RFX6: variants seen among roughly 807,000 people sequenced by gnomAD.
The protein encoded by RFX6 is DNA-binding protein RFX6.
In RFX6, 50 loss-of-function variants were observed where a neutral mutation model predicts 110.8. That is an observed-to-expected ratio of 0.45 (90% CI 0.36 to 0.57). RFX6 has a LOEUF of 0.57. Ranked by LOEUF, RFX6 falls within the 20% of genes least tolerant of loss-of-function variation. RFX6 has a pLI of 0.00. For missense variants in RFX6, 990 were observed against 1,127.0 expected, an observed-to-expected ratio of 0.88 and a Z score of 1.74; for synonymous variants, 383 against 411.2, an observed-to-expected ratio of 0.93 and a Z score of 0.83.
intron 4 of RFX6, among the ~76,000 whole-genome samples, chr6:116,890,881 G>A (rs1018467853): frequency 3.3e-5 from 5 of 151,772 alleles, no homozygotes; most frequent in Non-Finnish European, 7.4e-5. Context: ...TAATGACTGG[G>A]GACAGGAATA....
Position 116,924,662 on chromosome 6 carries a change from A to T in RFX6, c.1556-7A>T. Reference sequence around the variant, plus strand: ...TGTCCTCTCCTCATTCTCCATCCATAAACAAGGTTCTTTTCATTTGATTCG... The same window carrying T: ...TGTCCTCTCCTCATTCTCCATCCATTAACAAGGTTCTTTTCATTTGATTCG... On this transcript the variant is annotated splice_region_variant and splice_polypyrimidine_tract_variant and intron_variant, in intron 14 of 18. Coordinates refer to ENST00000332958, the MANE Select transcript of RFX6 (RefSeq NM_173560.4). 1 of 1,609,664 alleles carries T rather than the reference A, an allele frequency of 6.2e-7. No homozygotes were observed. Among genetic ancestry groups the T allele is most frequent in the African/African-American group, 1.3e-5 (1 of 74,912 alleles).
chr6:116,902,895 C>T (rs1349946639), intron 6 of RFX6, among the ~76,000 whole-genome samples: 1 of 152,020 alleles, frequency 6.6e-6, no homozygotes, highest in Non-Finnish European at 1.5e-5. Context: ...TTTAATCTTT[C>T]CTCATAAATC....
At chr6:116,908,357 TA>T (rs1418105868) in intron 6 of RFX6, among the ~76,000 whole-genome samples, 1 of 152,062 alleles carries the variant, frequency 6.6e-6, no homozygotes, top group Non-Finnish European at 1.5e-5. Context: ...GCAACTTTGC[TA>T]AAAAAAACTT....
intron 6 of RFX6, among the ~76,000 whole-genome samples, chr6:116,907,879 A>G (rs1026588105): frequency 5.3e-5 from 8 of 151,526 alleles, no homozygotes; most frequent in Non-Finnish European, 8.9e-5. Context: ...AATTTTGTCA[A>G]TTTTTCTTCA....
intron 2 of RFX6, among the ~76,000 whole-genome samples, chr6:116,879,812 A>C (rs1350653831): frequency 6.6e-6 from 1 of 151,974 alleles, no homozygotes; most frequent in African/African-American, 2.4e-5. Context: ...CATTTATATA[A>C]GTTATGCTTA....
intron 6 of RFX6, among the ~76,000 whole-genome samples, chr6:116,906,494 T>C (rs1486502414): frequency 6.6e-6 from 1 of 152,066 alleles, no homozygotes; most frequent in Non-Finnish European, 1.5e-5. Flanking sequence ...TCCATGAACA[T>C]AGAATGTCTT....
chr6:116,926,899 T>A (rs1775750268), intron 16 of RFX6, 128 bp from the exon 17 acceptor site: 6 of 849,502 alleles, frequency 7.1e-6, no homozygotes, highest in Middle Eastern at 2.4e-4. Flanking sequence ...AGTTTAGTTA[T>A]TTTTGGAGGG....
intron 2 of RFX6, among the ~76,000 whole-genome samples, chr6:116,878,682 T>A (rs1405863978): frequency 6.6e-6 from 1 of 151,858 alleles, no homozygotes; most frequent in African/African-American, 2.4e-5. Flanking sequence ...AATAGGAGCA[T>A]AAATTTCCTC....
chr6:116,890,555 C>T (rs950160761), intron 4 of RFX6, among the ~76,000 whole-genome samples: 1 of 152,140 alleles, frequency 6.6e-6, no homozygotes, highest in African/African-American at 2.4e-5. Flanking sequence ...CACTGGTTCT[C>T]TATCTCCTGG....
intron 4 of RFX6, among the ~76,000 whole-genome samples, chr6:116,886,583 T>C (rs1774703813): frequency 6.6e-6 from 1 of 152,182 alleles, no homozygotes. Flanking sequence ...TCAAGTTCTA[T>C]TTTCCTAAGT....
intron 12 of RFX6, among the ~76,000 whole-genome samples, chr6:116,921,841 A>C (rs1445648146): frequency 6.6e-6 from 1 of 151,838 alleles, no homozygotes. Context: ...TCACACACAC[A>C]CCATTGAAGA....
At chr6:116,903,901 C>T (rs985199842) in intron 6 of RFX6, among the ~76,000 whole-genome samples, 1 of 151,814 alleles carries the variant, frequency 6.6e-6, no homozygotes, top group Non-Finnish European at 1.5e-5. Flanking sequence ...AAACAATTCT[C>T]CAGGTAGACA....
At chr6:116,905,265 G>A (rs1477340446) in intron 6 of RFX6, among the ~76,000 whole-genome samples, 1 of 152,038 alleles carries the variant, frequency 6.6e-6, no homozygotes, top group Non-Finnish European at 1.5e-5. Flanking sequence ...ATCTCATTTA[G>A]GGTTTGATTT....
chr6:116,877,418 C>T lies in RFX6; in HGVS notation c.143C>T (p.Ala48Val), dbSNP rs200522460. Residue 48 changes from alanine to valine, a missense_variant, in exon 1 of 19, where the codon GCG becomes GTG. Ala to Val is a moderately conservative substitution (Grantham distance 64, BLOSUM62 0). Around this residue, in one of 5 missense-constraint regions of RFX6, gnomAD observed 175 missense variants for 162.3 expected, o/e 1.08. Transcript: ENST00000332958. ...TATCCGGAAGAAACAGTGTACCTGG[C>T]GGCCGAAGGGCAGCCCGGGGGCGAG... ...LVYPEETVYLAAEGQPGGEQG... is the reference protein window; with the variant it reads ...LVYPEETVYLVAEGQPGGEQG... The T allele has an allele frequency of 5.1e-5, 82 of 1,600,824 alleles. No homozygotes were observed. The African/African-American group carries it at 1.0e-3, about 20-fold the overall frequency.
intron 6 of RFX6, 81 bp downstream of exon 6, chr6:116,895,288 T>C: frequency 1.3e-6 from 1 of 783,596 alleles, no homozygotes; most frequent in Non-Finnish European, 2.2e-6. Flanking sequence ...TTATTCCCTT[T>C]GGCAAATGTA....
rs775988031 is a variant in RFX6, at chr6:116,895,227, C to G, written c.672+20C>G. ...AATGAGGTAAGAATTATTTTCATCT[C>G]TATTTTACATCTGCTATAATATGTC... is the stretch of plus-strand genomic sequence containing the variant. On this transcript the variant is annotated intron_variant, in intron 6 of 18. Coordinates refer to ENST00000332958, the MANE Select transcript of RFX6 (RefSeq NM_173560.4). 3.7e-6 allele frequency: 5 copies of G among 1,339,432 alleles called. No homozygotes were observed. The highest frequency in any genetic ancestry group is 5.4e-6 in the Non-Finnish European group (5 of 932,172). 83.0% of individuals were successfully genotyped at this position (1,339,432 alleles called of 1,614,324 possible).
chr6:116,899,389 T>C (rs1045709556), intron 6 of RFX6, among the ~76,000 whole-genome samples: 1 of 152,072 alleles, frequency 6.6e-6, no homozygotes, highest in African/African-American at 2.4e-5. Context: ...TTAAGAGAAA[T>C]GTAAACAAGA....
intron 4 of RFX6, among the ~76,000 whole-genome samples, chr6:116,887,751 G>T (rs536922694): frequency 5.9e-5 from 9 of 152,304 alleles, no homozygotes; most frequent in African/African-American, 2.2e-4. Flanking sequence ...TGCTGGCAAA[G>T]AACTTTCGCT....
In RFX6 at chr6:116,931,538, T is replaced by A. The variant is rs1562151199; in HGVS notation, c.*32T>A. 9.9e-6 allele frequency: 15 copies of A among 1,519,550 alleles called. No homozygotes were observed. Among genetic ancestry groups the A allele is most frequent in the South Asian group, 3.4e-5 (3 of 87,446 alleles). The allele number at this position is 1,519,550 out of a possible 1,614,324, so 94.1% of individuals were successfully genotyped here. A position where few individuals can be genotyped will look rare whatever the true frequency, so the allele number is the denominator to read the frequency against. On this transcript the variant is annotated 3_prime_UTR_variant, in exon 19 of 19. Transcript: ENST00000332958. Reference sequence around the variant, plus strand: ...AATGTGGGAGGGGGTGCTAAAACTTTAAAAAAAATCTCTACTGTGCAAATA... The same window carrying A: ...AATGTGGGAGGGGGTGCTAAAACTTAAAAAAAAATCTCTACTGTGCAAATA...
Sources: allele counts gnomAD v4.1 joint callset (sites outside exome capture counted in the v4.1 genomes callset), GRCh38; gene constraint gnomAD v4.1.1; regional missense constraint gnomAD v4.1.1; transcripts MANE v1.5; gene names NCBI Gene and HGNC (gene_info 2026-07-23, HGNC 2026-07-21).